The following STEAP4 variants were observed in gnomAD, a reference collection of about 807,000 sequenced individuals.
STEAP4 encodes STEAP4 metalloreductase.
STEAP4 carries 36 observed loss-of-function variants against 43.6 expected under a neutral mutation model. That is an observed-to-expected ratio of 0.83 (90% confidence interval 0.63 to 1.09). The LOEUF is 1.09. Ranked by LOEUF, STEAP4 falls within the 50% of genes least tolerant of loss-of-function variation. The pLI, the probability that STEAP4 is intolerant of heterozygous loss-of-function variation, is 0.00. For missense variants in STEAP4, 495 were observed against 546.5 expected, an observed-to-expected ratio of 0.91 and a Z score of 0.94; for synonymous variants, 191 against 196.7, an observed-to-expected ratio of 0.97 and a Z score of 0.24.
chr7:88,301,082 G>C (rs1254529892), intron 1 of STEAP4, among the ~76,000 whole-genome samples: 1 of 152,142 alleles, frequency 6.6e-6, no homozygotes, highest in Non-Finnish European at 1.5e-5. Context: ...ACACACCTCA[G>C]AACTAGGGTA....
At chr7:88,283,644 G>GT in intron 2 of STEAP4, 170 bp downstream of exon 2, 1 of 735,278 alleles carries the variant, frequency 1.4e-6, no homozygotes, top group Non-Finnish European at 2.2e-6. Context: ...AGATATAACA[G>GT]TTGACCACCT....
intron 1 of STEAP4, among the ~76,000 whole-genome samples, chr7:88,294,873 C>T (rs1852899918): frequency 6.6e-6 from 1 of 152,104 alleles, no homozygotes; most frequent in Non-Finnish European, 1.5e-5. Flanking sequence ...ATGAATCCCT[C>T]TGATTTCTTT....
intron 3 of STEAP4, chr7:88,281,559 G>A (rs1265527134): frequency 6.6e-6 from 1 of 152,262 alleles, no homozygotes; most frequent in East Asian, 1.9e-4. Flanking sequence ...TCAGACACTT[G>A]TAGTGTGACT....
Position 88,274,997 on chromosome 7 carries a change from T to C in STEAP4, c.*4401A>G, listed in dbSNP as rs1157361724. 1 of 152,268 alleles carries C rather than the reference T, an allele frequency of 6.6e-6. No individual in the cohort carries two copies. The highest frequency in any genetic ancestry group is 6.5e-5 in the Admixed American group (1 of 15,282). 9.4% of individuals were successfully genotyped at this position (152,268 alleles called of 1,614,324 possible). A position where few individuals can be genotyped will look rare whatever the true frequency, so the allele number is the denominator to read the frequency against. ...GCATCCTGTTTTATCAGCAAGGTCT[T>C]TGTGACCTGTACCTTGTGCTTACTC... On this transcript the variant is annotated 3_prime_UTR_variant, in exon 5 of 5. Transcript: ENST00000380079.
rs1010883789 is a variant in STEAP4 at position 88,275,835 on chromosome 7, A to G, written c.*3563T>C. On this transcript the variant is annotated 3_prime_UTR_variant, in exon 5 of 5. Coordinates refer to ENST00000380079, the MANE Select transcript of STEAP4 (RefSeq NM_024636.4). ...GTGATCCCTGAACAATAGATGAATGAAGAGCTCCTGAATGAATTTCTAATT... is the reference window on the plus strand; with the variant it reads ...GTGATCCCTGAACAATAGATGAATGGAGAGCTCCTGAATGAATTTCTAATT... 4 of 152,184 alleles carry G rather than the reference A, an allele frequency of 2.6e-5. No individual in the cohort carries two copies. Among genetic ancestry groups the G allele is most frequent in the Admixed American group, 2.6e-4 (4 of 15,280 alleles). 9.4% of individuals were successfully genotyped at this position (152,184 alleles called of 1,614,324 possible). A position where few individuals can be genotyped will look rare whatever the true frequency, so the allele number is the denominator to read the frequency against.
Position 88,297,203 on chromosome 7 carries a change from C to T in STEAP4, c.-3+9589G>A, listed in dbSNP as rs919277676. 2.6e-5 allele frequency among the ~76,000 whole-genome samples: 4 copies of T among 152,140 alleles called. No homozygotes were observed. In the South Asian group the frequency reaches 6.2e-4, roughly 24 times the overall value. ...GTAAAGAGGTGAAGAATACAGATCTCATATAGAGTTTGGAAATGTTATCTC... is the reference window on the plus strand; with the variant it reads ...GTAAAGAGGTGAAGAATACAGATCTTATATAGAGTTTGGAAATGTTATCTC... On this transcript the variant is annotated intron_variant, in intron 1 of 4. Coordinates refer to ENST00000380079, the MANE Select transcript of STEAP4 (RefSeq NM_024636.4).
In STEAP4 at chr7:88,279,524, TG is replaced by T; in HGVS notation, c.1253del (p.Ala418GlufsTer5). The part of the protein sequence containing the change: ...SPSNLRWYLP[A>X]AYVLGLIIPC... ...GAATGATAAGCCCTAACACGTAGGC[TG>T]CAGGAAGATACCATCTGAGATTTGA... is the stretch of plus-strand genomic sequence containing the variant. On this transcript the variant is annotated frameshift_variant, in exon 5 of 5. Transcript: ENST00000380079. LOFTEE classifies it high-confidence loss of function. The T allele has an allele frequency of 6.2e-7, 1 of 1,614,180 alleles. No homozygotes were observed. Among genetic ancestry groups the T allele is most frequent in the Non-Finnish European group, 8.5e-7 (1 of 1,180,026 alleles).
chr7:88,277,457 G>C lies in STEAP4; in HGVS notation c.*1941C>G, dbSNP rs555114763. On this transcript the variant is annotated 3_prime_UTR_variant, in exon 5 of 5. Coordinates refer to ENST00000380079, the MANE Select transcript of STEAP4 (RefSeq NM_024636.4). The stretch of plus-strand genomic sequence containing the variant: ...GGCTTGGCAACATTATCAGTGCAAA[G>C]ATATTATCTGAAATGTTATTTATTT... 6.6e-6 allele frequency: 1 copy of C among 152,272 alleles called. No homozygotes were observed. Among genetic ancestry groups the C allele is most frequent in the African/African-American group, 2.4e-5 (1 of 41,540 alleles). The allele number at this position is 152,272 out of a possible 1,614,324, so 9.4% of individuals were successfully genotyped here.
At chr7:88,281,465 A>C (rs879739889) in intron 3 of STEAP4, 2 of 158,470 alleles carry the variant, frequency 1.3e-5, no homozygotes, top group Non-Finnish European at 2.8e-5. Flanking sequence ...ACACTCTCAA[A>C]GTGGGTTCTT....
At chr7:88,286,789 ACACACACACACACACACACG>A (rs1330929686) in intron 1 of STEAP4, among the ~76,000 whole-genome samples, 1 of 149,422 alleles carries the variant, frequency 6.7e-6, no homozygotes, top group Non-Finnish European at 1.5e-5. Flanking sequence ...ACACACACAC[ACACACACACACACACACACG>A]CAAACAATGT....
chr7:88,303,198 A>G (rs973056631), intron 1 of STEAP4, among the ~76,000 whole-genome samples: 1 of 144,456 alleles, frequency 6.9e-6, no homozygotes, highest in African/African-American at 2.5e-5. Context: ...AAAAAAAAAA[A>G]AAAAAAAAAA....
chr7:88,282,423 G>A, intron 3 of STEAP4: 1 of 566,164 alleles, frequency 1.8e-6, no homozygotes, highest in South Asian at 2.6e-5. Context: ...CTGGGATTAT[G>A]GGAGTGAGCC....
At chr7:88,290,716 A>G (rs1852820470) in intron 1 of STEAP4, among the ~76,000 whole-genome samples, 1 of 152,176 alleles carries the variant, frequency 6.6e-6, no homozygotes, top group Admixed American at 6.5e-5. Flanking sequence ...ATCATTTATC[A>G]TGACCTGTCT....
In STEAP4 at chr7:88,279,571, C is replaced by A. The variant is rs768152109; in HGVS notation, c.1207G>T (p.Gly403Trp). 6.8e-6 allele frequency: 11 copies of A among 1,613,912 alleles called. No individual in the cohort carries two copies. Among genetic ancestry groups the A allele is most frequent in the Non-Finnish European group, 9.3e-6 (11 of 1,179,930 alleles). ...TTTGAAGGGCTGAGGAATCTCTTCC[C>A]ACCGTACACCAGGGTGTGGGCTGTA... ...LCTAHTLVYG[G>W]KRFLSPSNLR... The change falls in exon 5 of 5, where the codon GGG becomes TGG. Residue 403 changes from glycine (G) to tryptophan (W), a missense_variant. Gly to Trp is a radical substitution (Grantham distance 184, BLOSUM62 -2). Transcript: ENST00000380079.
At chr7:88,283,586 A>G (rs1852668989) in intron 2 of STEAP4, 1 of 584,922 alleles carries the variant, frequency 1.7e-6, no homozygotes, top group Non-Finnish European at 3.0e-6. Flanking sequence ...CCAGAGGCTG[A>G]CACCATGGGG....
chr7:88,283,639 T>C (rs932438964), intron 2 of STEAP4, 175 bp downstream of exon 2: 4 of 710,866 alleles, frequency 5.6e-6, no homozygotes, highest in Admixed American at 3.0e-5. Context: ...GTGGGAGATA[T>C]AACAGTTGAC....
intron 1 of STEAP4, among the ~76,000 whole-genome samples, chr7:88,291,312 C>T (rs925912608): frequency 1.1e-4 from 17 of 151,598 alleles, no homozygotes; most frequent in African/African-American, 2.9e-4. Flanking sequence ...GGTGACACCC[C>T]GCCTCTACTA....
chr7:88,285,483 A>G (rs1852715627), intron 1 of STEAP4, among the ~76,000 whole-genome samples: 1 of 152,104 alleles, frequency 6.6e-6, no homozygotes, highest in Non-Finnish European at 1.5e-5. Flanking sequence ...ATTTTTATAA[A>G]GCTAAAATAA....
intron 1 of STEAP4, among the ~76,000 whole-genome samples, chr7:88,294,044 T>G (rs1360475525): frequency 6.6e-6 from 1 of 152,160 alleles, no homozygotes; most frequent in Non-Finnish European, 1.5e-5. Flanking sequence ...AGTTCATGTT[T>G]TAGGAGAAAA....
Sources: gnomAD v4.1 joint callset for allele counts (sites outside exome capture counted in the v4.1 genomes callset) on GRCh38, gnomAD v4.1.1 for gene constraint, MANE v1.5 for transcripts, NCBI Gene and HGNC (gene_info 2026-07-23, HGNC 2026-07-21) for gene names.